Variants in ZNF704 observed in about 807,000 individuals in gnomAD.
ZNF704 encodes the protein glucocorticoid induced gene 1.
A neutral mutation model predicts 44.7 loss-of-function variants in ZNF704; 10 were observed. The ratio of observed to expected loss-of-function variants is 0.22; its 90% CI spans 0.14 to 0.38. The LOEUF (loss-of-function observed/expected upper bound fraction) is 0.38. Among genes scored for constraint, ZNF704 ranks in the 10% least tolerant of loss-of-function variants. The pLI is 1.00. For synonymous variants in ZNF704, 211 were observed against 207.6 expected, an observed-to-expected ratio of 1.02 and a Z score of -0.14; for missense variants, 390 against 545.5, an observed-to-expected ratio of 0.71 and a Z score of 2.84.
intron 2 of ZNF704, among the ~76,000 whole-genome samples, chr8:80,802,742 G>A (rs1330566058): frequency 6.6e-6 from 1 of 152,054 alleles, no homozygotes; most frequent in Non-Finnish European, 1.5e-5. Flanking sequence ...CATACTGAAT[G>A]GGCAAAAGCT....
intron 2 of ZNF704, among the ~76,000 whole-genome samples, chr8:80,756,618 C>A (rs1378843175): frequency 6.6e-6 from 1 of 152,194 alleles, no homozygotes; most frequent in Non-Finnish European, 1.5e-5. Flanking sequence ...CTTGGTTTAA[C>A]AACCTAAAGA....
At chr8:80,644,646 T>G (rs926888835) in intron 7 of ZNF704, among the ~76,000 whole-genome samples, 7 of 152,154 alleles carry the variant, frequency 4.6e-5, no homozygotes, top group African/African-American at 1.4e-4. Context: ...CAAACTCAGA[T>G]GCTTCCTCCA....
intron 4 of ZNF704, among the ~76,000 whole-genome samples, chr8:80,674,570 T>C (rs879741052): frequency 3.3e-5 from 5 of 152,104 alleles, no homozygotes; most frequent in African/African-American, 4.8e-5. Flanking sequence ...TCCAGGGAAC[T>C]AATCCATTCT....
chr8:80,650,128 A>G (rs1457870336), intron 7 of ZNF704, among the ~76,000 whole-genome samples: 2 of 152,216 alleles, frequency 1.3e-5, no homozygotes, highest in Non-Finnish European at 2.9e-5. Context: ...AAAACTAACA[A>G]ACAGAAAGGA....
intron 2 of ZNF704, among the ~76,000 whole-genome samples, chr8:80,702,311 T>C (rs16907976): frequency 0.17 from 26,325 of 151,972 alleles, 4,644 homozygotes; most frequent in African/African-American, 0.45. Context: ...TTGCCATGCT[T>C]AAGGTTTGGA....
intron 2 of ZNF704, among the ~76,000 whole-genome samples, chr8:80,750,938 C>A (rs192549842): frequency 6.6e-6 from 1 of 152,308 alleles, no homozygotes; most frequent in Admixed American, 6.5e-5. Context: ...CTTGGGGTGA[C>A]TGTTCCTAAA....
rs1244596086 is a variant in ZNF704, at chr8:80,664,910, T to C, written c.832A>G (p.Thr278Ala). Reference protein sequence around the residue: ...FPIPDSSRTETPCAKTETKLM... With the variant: ...FPIPDSSRTEAPCAKTETKLM... ...TTAGTCTCCGTTTTGGCACAAGGAG[T>C]TTCTGTTCGGCTTGAATCTGGGATG... The change falls in exon 6 of 9, where the codon ACT becomes GCT. Residue 278 changes from threonine (T) to alanine (A), a missense_variant. Thr to Ala is a moderately conservative substitution (Grantham distance 58). Around this residue, in one of 3 missense-constraint regions of ZNF704, gnomAD observed 305 missense variants for 435.7 expected, o/e 0.70. Transcript: ENST00000327835. 3.1e-6 allele frequency: 5 copies of C among 1,613,776 alleles called. No individual in the cohort carries two copies. Among genetic ancestry groups the C allele is most frequent in the Non-Finnish European group, 4.2e-6 (5 of 1,179,962 alleles).
intron 1 of ZNF704, among the ~76,000 whole-genome samples, chr8:80,829,171 CAT>C (rs1808428105): frequency 6.6e-6 from 1 of 152,106 alleles, no homozygotes; most frequent in Admixed American, 6.5e-5. Flanking sequence ...AATAGAAAGA[CAT>C]AAAATATTTC....
chr8:80,793,528 G>T (rs925413805), intron 2 of ZNF704, among the ~76,000 whole-genome samples: 1 of 151,928 alleles, frequency 6.6e-6, no homozygotes, highest in African/African-American at 2.4e-5. Context: ...TACCATGTAA[G>T]CCCATTATTT....
At chr8:80,743,304 G>A (rs2131696266) in intron 2 of ZNF704, among the ~76,000 whole-genome samples, 1 of 151,944 alleles carries the variant, frequency 6.6e-6, no homozygotes, top group South Asian at 2.1e-4. Flanking sequence ...AAAGGTTAAG[G>A]GGTTATTCAT....
In ZNF704 at chr8:80,659,650, T is replaced by C. The variant is rs1311216143; in HGVS notation, c.967A>G (p.Thr323Ala). 6.2e-7 allele frequency: 1 copy of C among 1,613,748 alleles called. No homozygotes were observed. Among genetic ancestry groups the C allele is most frequent in the Non-Finnish European group, 8.5e-7 (1 of 1,179,926 alleles). The stretch of plus-strand genomic sequence containing the variant: ...ATGCTGAAGCTGCTGCCATTGGGGG[T>C]GAACTTGGCCGATCCTGGAATGGTC... ...PVTIPGSAKF[T>A]PNGSSFSISW... The change falls in exon 7 of 9, where the codon ACC becomes GCC. Residue 323 changes from threonine to alanine, a missense_variant. Thr to Ala is a moderately conservative substitution (Grantham distance 58). Transcript: ENST00000327835.
intron 4 of ZNF704, among the ~76,000 whole-genome samples, chr8:80,676,132 T>C (rs1020911160): frequency 4.6e-5 from 7 of 152,294 alleles, no homozygotes; most frequent in African/African-American, 1.4e-4. Context: ...GTGGCCCAAA[T>C]AGCAGTAAAT....
chr8:80,860,277 G>C (rs1563579875), intron 1 of ZNF704, among the ~76,000 whole-genome samples: 1 of 152,186 alleles, frequency 6.6e-6, no homozygotes, highest in African/African-American at 2.4e-5. Flanking sequence ...TATGAAATCA[G>C]TGTGTACCTA....
At chr8:80,668,361 T>C (rs562368632) in intron 5 of ZNF704, among the ~76,000 whole-genome samples, 30 of 152,224 alleles carry the variant, frequency 2.0e-4, no homozygotes, top group Non-Finnish European at 3.5e-4. Flanking sequence ...TTCAAATCAG[T>C]GGCTTGTCCC....
chr8:80,845,476 T>C (rs16908087), intron 1 of ZNF704, among the ~76,000 whole-genome samples: 8,563 of 152,320 alleles, frequency 0.056, 269 homozygotes, highest in Middle Eastern at 0.14. Context: ...TCCAGTATTC[T>C]GCATCCCTCT....
At chr8:80,833,361 A>G (rs889540667) in intron 1 of ZNF704, among the ~76,000 whole-genome samples, 2 of 152,328 alleles carry the variant, frequency 1.3e-5, no homozygotes, top group Non-Finnish European at 2.9e-5. Flanking sequence ...AAAAAAGAGA[A>G]AAAAATTACT....
At chr8:80,820,656 T>C (rs940017357) in intron 2 of ZNF704, among the ~76,000 whole-genome samples, 16 of 152,190 alleles carry the variant, frequency 1.1e-4, no homozygotes, top group Admixed American at 6.5e-5. Context: ...TCTCAGGACT[T>C]TGGGAGGCTG....
At position 80,629,747 on chromosome 8, in the gene ZNF704, C is replaced by T. The variant is rs1369209176; in HGVS notation, c.*11619G>A. 6.6e-6 allele frequency: 1 copy of T among 152,160 alleles called. No individual in the cohort carries two copies. The highest frequency in any genetic ancestry group is 2.4e-5 in the African/African-American group (1 of 41,442). The allele number at this position is 152,160 out of a possible 1,614,324, so 9.4% of individuals were successfully genotyped here. On this transcript the variant is annotated 3_prime_UTR_variant, in exon 9 of 9. Transcript: ENST00000327835. ...TTGTTCTTTGAAACTATAACTGATACCCCTTGAAGAATATTTTTTTCTGGG... is the reference window on the plus strand; with the variant it reads ...TTGTTCTTTGAAACTATAACTGATATCCCTTGAAGAATATTTTTTTCTGGG...
At chr8:80,883,268 AAG>A in the ZNF704 span, among the ~76,000 whole-genome samples, 10 of 151,550 alleles carry the variant, frequency 6.6e-5, no homozygotes, top group South Asian at 4.2e-4. Flanking sequence ...AAAAAAAAGA[AAG>A]AAATATTTTA....
Sources: gnomAD v4.1 joint callset for allele counts (sites outside exome capture counted in the v4.1 genomes callset) on GRCh38, gnomAD v4.1.1 for gene constraint, gnomAD v4.1.1 regional missense constraint, MANE v1.5 for transcripts, NCBI Gene and HGNC (gene_info 2026-07-23, HGNC 2026-07-21) for gene names.